Variants in PIK3CA observed in about 807,000 individuals in gnomAD.
The protein encoded by PIK3CA is phosphatidylinositol 4,5-bisphosphate 3-kinase catalytic subunit alpha isoform.
In PIK3CA, 27 loss-of-function variants were observed where a neutral mutation model predicts 138.2. The ratio of observed to expected loss-of-function variants is 0.20; its 90% confidence interval spans 0.14 to 0.27. The LOEUF (loss-of-function observed/expected upper bound fraction) is 0.27. Ranked by LOEUF, PIK3CA falls within the 10% of genes least tolerant of loss-of-function variation. PIK3CA has a pLI of 1.00. For missense variants in PIK3CA, 544 were observed against 1,277.4 expected (o/e 0.43, Z 8.75); for synonymous variants, 358 against 413.2 (o/e 0.87, Z 1.62).
intron 6 of PIK3CA, 119 bp downstream of exon 6, chr3:179,204,707 C>T: frequency 1.9e-6 from 1 of 532,270 alleles, no homozygotes; most frequent in Non-Finnish European, 3.5e-6. Flanking sequence ...CCCATTTCTA[C>T]AAAAAGTTTT....
rs111438074 is a variant in PIK3CA, at chr3:179,193,640, A to G, written c.-76-5110A>G. ...AAAAGGTAAATTGTGAATTGTGCAC[A>G]CGCACACACACTCTTCTAAGCAAAT... On this transcript the variant is annotated intron_variant, in intron 1 of 20. Coordinates refer to ENST00000263967, the MANE Select transcript of PIK3CA (RefSeq NM_006218.4). Among the ~76,000 whole-genome samples, 219 of 152,366 alleles carry G rather than the reference A, an allele frequency of 1.4e-3. 3 individuals carry two copies. The highest frequency in any genetic ancestry group is 4.8e-3 in the African/African-American group (201 of 41,590).
In PIK3CA at chr3:179,237,097, A is replaced by C. The variant is rs1284969425; in HGVS notation, c.*2733A>C. The C allele has an allele frequency of 5.1e-6, 1 of 196,666 alleles. No individual in the cohort carries two copies. The highest frequency in any genetic ancestry group is 8.0e-5 in the East Asian group (1 of 12,540). The allele number at this position is 196,666 out of a possible 1,614,324, so 12.2% of individuals were successfully genotyped here. On this transcript the variant is annotated 3_prime_UTR_variant, in exon 21 of 21. Coordinates refer to ENST00000263967, the MANE Select transcript of PIK3CA (RefSeq NM_006218.4). The stretch of plus-strand genomic sequence containing the variant: ...CACTGTAGTAAGAAATGACTGTTGG[A>C]AAATTATGCTTTCACTTTCTACCAT...
chr3:179,192,026 G>T (rs529149141), intron 1 of PIK3CA, among the ~76,000 whole-genome samples: 1 of 152,322 alleles, frequency 6.6e-6, no homozygotes, highest in Non-Finnish European at 1.5e-5. Flanking sequence ...ATATTTTAAA[G>T]TAGTTAAGCC....
chr3:179,196,278 T>G (rs1484225947), intron 1 of PIK3CA, among the ~76,000 whole-genome samples: 1 of 152,212 alleles, frequency 6.6e-6, no homozygotes, highest in East Asian at 1.9e-4. Flanking sequence ...GCTGCTGTTT[T>G]TGTGTGGCTT....
At chr3:179,161,608 A>C (rs958913645) in intron 1 of PIK3CA, among the ~76,000 whole-genome samples, 1 of 152,182 alleles carries the variant, frequency 6.6e-6, no homozygotes, top group South Asian at 2.1e-4. Context: ...TAGGCAGCAG[A>C]ATCGCTTAAA....
rs917932087 is a variant in PIK3CA at position 179,220,559 on chromosome 3, A to G, written c.2016-427A>G. Among the ~76,000 whole-genome samples the G allele has an allele frequency of 2.0e-5, 3 of 152,228 alleles. No individual in the cohort carries two copies. Among genetic ancestry groups the G allele is most frequent in the African/African-American group, 7.2e-5 (3 of 41,460 alleles). On this transcript the variant is annotated intron_variant, in intron 13 of 20. Coordinates refer to ENST00000263967, the MANE Select transcript of PIK3CA (RefSeq NM_006218.4). The surrounding 1 kb of genome is among the most constrained non-coding windows in gnomAD (Gnocchi z 4.1). ...ATTTAGAAGCAGATTTATATCTAAT[A>G]TGATATTTTAAGTGTTAAAATTTAA...
rs1373514152 is a variant in PIK3CA, at chr3:179,218,195, T to A, written c.1540-15T>A. On this transcript the variant is annotated splice_polypyrimidine_tract_variant and intron_variant, in intron 9 of 20. Coordinates refer to ENST00000263967, the MANE Select transcript of PIK3CA (RefSeq NM_006218.4). ...TGACAAAGAAAGCTATATAAGATAT[T>A]ATTTTATTTTACAGAGTAACAGACT... 1 of 1,536,906 alleles carries A rather than the reference T, an allele frequency of 6.5e-7. No individual in the cohort carries two copies. The highest frequency in any genetic ancestry group is 2.3e-5 in the East Asian group (1 of 43,070).
rs1480626654 is a variant in PIK3CA at position 179,199,001 on chromosome 3, A to C, written c.176A>C (p.His59Pro). The change falls in exon 2 of 21, where the codon CAT becomes CCT. Residue 59 changes from histidine (H) to proline (P), a missense_variant. Transcript: ENST00000263967. ...AAAGAAGCAAGAAAATACCCCCTCC[A>C]TCAACTTCTTCAAGATGAATCTTCT... ...LFKEARKYPL[H>P]QLLQDESSYI... 13 of 1,613,256 alleles carry C rather than the reference A, an allele frequency of 8.1e-6. No individual in the cohort carries two copies. Among genetic ancestry groups the C allele is most frequent in the Non-Finnish European group, 1.0e-5 (12 of 1,179,778 alleles).
chr3:179,175,730 C>G (rs1407863112), intron 1 of PIK3CA, among the ~76,000 whole-genome samples: 2 of 133,454 alleles, frequency 1.5e-5, no homozygotes, highest in Admixed American at 1.5e-4. Flanking sequence ...TTTTTCAGTT[C>G]TTATTCTCTG....
In PIK3CA at chr3:179,238,296, G is replaced by A; in HGVS notation, c.*3932G>A. ...GGTGACAGAATAATACAGCTGGGCT[G>A]TTTTTTAAAATATAAACAATACCAT... On this transcript the variant is annotated 3_prime_UTR_variant, in exon 21 of 21. Transcript: ENST00000263967. 4.6e-6 allele frequency: 1 copy of A among 216,840 alleles called. No individual in the cohort carries two copies. Among genetic ancestry groups the A allele is most frequent in the East Asian group, 6.8e-5 (1 of 14,788 alleles). 13.4% of individuals were successfully genotyped at this position (216,840 alleles called of 1,614,324 possible).
At chr3:179,165,338 A>C (rs905421612) in intron 1 of PIK3CA, among the ~76,000 whole-genome samples, 1 of 152,200 alleles carries the variant, frequency 6.6e-6, no homozygotes, top group East Asian at 1.9e-4. Context: ...CAAATTATCC[A>C]GACCCTAGAA....
At chr3:179,212,872 T>C (rs953306102) in intron 9 of PIK3CA, among the ~76,000 whole-genome samples, 1 of 152,254 alleles carries the variant, frequency 6.6e-6, no homozygotes, top group African/African-American at 2.4e-5. Context: ...TAATGTATAG[T>C]ACATATACCA....
intron 1 of PIK3CA, among the ~76,000 whole-genome samples, chr3:179,189,640 A>G (rs879914194): frequency 6.6e-6 from 1 of 152,220 alleles, no homozygotes; most frequent in African/African-American, 2.4e-5. Flanking sequence ...CATGGGCCTC[A>G]TATTAGGAAA....
At chr3:179,185,727 A>G (rs1368629388) in intron 1 of PIK3CA, among the ~76,000 whole-genome samples, 3 of 152,182 alleles carry the variant, frequency 2.0e-5, no homozygotes, top group Admixed American at 6.5e-5. Context: ...AACTCAGGGA[A>G]ATACATTTCT....
intron 1 of PIK3CA, among the ~76,000 whole-genome samples, chr3:179,186,150 G>A (rs1222833191): frequency 1.3e-5 from 2 of 152,150 alleles, no homozygotes; most frequent in Non-Finnish European, 2.9e-5. Flanking sequence ...TTACCACTTT[G>A]GAGATTCCAA....
At chr3:179,158,843 G>A (rs955803722) in intron 1 of PIK3CA, among the ~76,000 whole-genome samples, 18 of 152,024 alleles carry the variant, frequency 1.2e-4, no homozygotes, top group African/African-American at 4.1e-4. Flanking sequence ...CTGTGGTATC[G>A]GCTACCTGGT....
intron 6 of PIK3CA, among the ~76,000 whole-genome samples, chr3:179,208,228 G>A (rs1487356332): frequency 6.6e-6 from 1 of 152,026 alleles, no homozygotes; most frequent in Non-Finnish European, 1.5e-5. Flanking sequence ...TTTTACTGAT[G>A]AAGTTTATTA....
intron 1 of PIK3CA, among the ~76,000 whole-genome samples, chr3:179,175,832 C>T (rs1485707636): frequency 2.0e-5 from 3 of 151,836 alleles, no homozygotes; most frequent in Non-Finnish European, 4.4e-5. Flanking sequence ...TGTTTCTCAC[C>T]ACTTCTGTTT....
chr3:179,163,502 G>C (rs908098596), intron 1 of PIK3CA, among the ~76,000 whole-genome samples: 1 of 151,710 alleles, frequency 6.6e-6, no homozygotes, highest in South Asian at 2.1e-4. Context: ...AACAAAAAAA[G>C]AAAAAAATCT....
Sources: gnomAD v4.1 joint callset for allele counts (sites outside exome capture counted in the v4.1 genomes callset) on GRCh38, gnomAD v4.1.1 for gene constraint, Gnocchi (gnomAD v3.1) non-coding constraint, MANE v1.5 for transcripts, NCBI Gene and HGNC (gene_info 2026-07-23, HGNC 2026-07-21) for gene names.